RNF216: variants seen among roughly 807,000 people sequenced by gnomAD.
RNF216 encodes the protein ring finger protein 216, also known as E3 ubiquitin-protein ligase RNF216.
RNF216 carries 72 observed loss-of-function variants against 110.8 expected under a neutral mutation model. The ratio of observed to expected loss-of-function variants is 0.65; its 90% confidence interval spans 0.54 to 0.79. The LOEUF (loss-of-function observed/expected upper bound fraction) is 0.79, where lower values mean the gene tolerates loss of function less well. Ranked by LOEUF, RNF216 falls within the 30% of genes least tolerant of loss-of-function variation. RNF216 has a pLI of 0.00. For synonymous variants in RNF216, 495 were observed against 407.5 expected (o/e 1.21, Z -2.59); for missense variants, 1,342 against 1,141.2 (o/e 1.18, Z -2.54).
chr7:5,697,375 G>A (rs1006531774), intron 13 of RNF216, among the ~76,000 whole-genome samples: 1 of 152,122 alleles, frequency 6.6e-6, no homozygotes, highest in East Asian at 1.9e-4. Context: ...TCTGCTGAAC[G>A]AACGACCAGA....
intron 3 of RNF216, among the ~76,000 whole-genome samples, chr7:5,746,448 G>A (rs1156924053): frequency 6.6e-6 from 1 of 152,194 alleles, no homozygotes; most frequent in East Asian, 1.9e-4. Context: ...CAGGGGTGCA[G>A]TTTTAAAGCT....
intron 2 of RNF216, 40 bp from the exon 3 acceptor site, chr7:5,753,019 A>C (rs777669971): frequency 9.6e-5 from 152 of 1,583,346 alleles, no homozygotes; most frequent in Non-Finnish European, 1.1e-4. Context: ...GGAGGTTGGC[A>C]CTATCACATC....
chr7:5,659,442 C>T (rs1054615949), intron 13 of RNF216, among the ~76,000 whole-genome samples: 1 of 152,178 alleles, frequency 6.6e-6, no homozygotes, highest in South Asian at 2.1e-4. Flanking sequence ...GGAGAGGGTC[C>T]GTCTCATGCT....
At chr7:5,685,472 C>T (rs952812705) in intron 13 of RNF216, among the ~76,000 whole-genome samples, 3 of 152,182 alleles carry the variant, frequency 2.0e-5, no homozygotes, top group Admixed American at 2.0e-4. Context: ...TGTTACTTTC[C>T]AAGACACTAA....
In RNF216 at chr7:5,696,426, T is replaced by G. The variant is rs1294318974; in HGVS notation, c.2061+15335A>C. ...TGAAGGTTACATGGTTTCCTCCTTA[T>G]GTAAAGCACCTGAGGACTAAAACAA... On this transcript the variant is annotated intron_variant, in intron 13 of 16. Coordinates refer to ENST00000389902, the MANE Select transcript of RNF216 (RefSeq NM_207111.4). The surrounding 1 kb of genome is among the most constrained non-coding windows in gnomAD (Gnocchi z 5.4). Among the ~76,000 whole-genome samples, 2 of 152,206 alleles carry G rather than the reference T, an allele frequency of 1.3e-5. No homozygotes were observed.
At chr7:5,685,218 C>T (rs1272561685) in intron 13 of RNF216, among the ~76,000 whole-genome samples, 1 of 152,168 alleles carries the variant, frequency 6.6e-6, no homozygotes, top group South Asian at 2.1e-4. Context: ...GAGGTAGCTC[C>T]CCTGGCTGTG....
At chr7:5,766,169 A>G (rs894975110) in intron 1 of RNF216, among the ~76,000 whole-genome samples, 2 of 151,920 alleles carry the variant, frequency 1.3e-5, no homozygotes, top group Non-Finnish European at 2.9e-5. Context: ...ATGTACCTAT[A>G]GTTTTAGCTA....
intron 13 of RNF216, among the ~76,000 whole-genome samples, chr7:5,653,600 C>CAAAAAAAAAAAAA (rs34530431): frequency 2.0e-5 from 1 of 50,492 alleles, no homozygotes. Flanking sequence ...GACTCTGTCT[C>CAAAAAAAAAAAAA]AAAAAAAAAA....
chr7:5,692,399 C>G (rs748291749), intron 13 of RNF216, among the ~76,000 whole-genome samples: 1 of 152,182 alleles, frequency 6.6e-6, no homozygotes, highest in Non-Finnish European at 1.5e-5. Context: ...GAATCAGAAC[C>G]CATCCTTGTT....
At chr7:5,744,694 A>AG (rs1474034450) in intron 3 of RNF216, among the ~76,000 whole-genome samples, 1 of 152,218 alleles carries the variant, frequency 6.6e-6, no homozygotes, top group Admixed American at 6.5e-5. Flanking sequence ...ACTTCTGGCT[A>AG]GGCACGGTTG....
At chr7:5,729,374 T>C (rs1044966287) in intron 7 of RNF216, 58 bp downstream of exon 7, 1 of 1,549,480 alleles carries the variant, frequency 6.5e-7, no homozygotes, top group Non-Finnish European at 8.9e-7. Context: ...TTCATTCTGT[T>C]ACCATGGGAA....
chr7:5,720,962 G>T, intron 9 of RNF216, 71 bp downstream of exon 9: 1 of 1,450,790 alleles, frequency 6.9e-7, no homozygotes, highest in Non-Finnish European at 9.5e-7. Context: ...AGACAGTTTT[G>T]TACTAACTAA....
At chr7:5,728,314 T>G (rs1422855907) in intron 7 of RNF216, among the ~76,000 whole-genome samples, 3 of 151,846 alleles carry the variant, frequency 2.0e-5, no homozygotes, top group African/African-American at 7.3e-5. Flanking sequence ...GCACGGTGGC[T>G]CATGTAGGTA....
rs1163710982 is a variant in RNF216, at chr7:5,770,024, C to CAAAAAAAAAA, written c.-69-8896_-69-8887dup. Reference sequence around the variant, plus strand: ...CTGGCTGACAGAGTGAGACCCATCTCAAAAAAAAAAAAAAAAAAAAAAAAA... The same window carrying CAAAAAAAAAA: ...CTGGCTGACAGAGTGAGACCCATCTCAAAAAAAAAAAAAAAAAAAAAAAAAAAAAAAAAAA... On this transcript the variant is annotated intron_variant, in intron 1 of 16. Transcript: ENST00000389902. 6.6e-4 allele frequency among the ~76,000 whole-genome samples: 16 copies of CAAAAAAAAAA among 24,152 alleles called. 1 individual carries two copies. The highest frequency in any genetic ancestry group is 9.2e-4 in the African/African-American group (5 of 5,440). The allele number at this position is 24,152 out of a possible 152,430, so 15.8% of individuals were successfully genotyped here.
At chr7:5,689,398 A>G (rs897598328) in intron 13 of RNF216, among the ~76,000 whole-genome samples, 11 of 151,776 alleles carry the variant, frequency 7.2e-5, no homozygotes, top group African/African-American at 2.7e-4. Flanking sequence ...AAGAAAAGTG[A>G]AAGGCAAAAC....
intron 13 of RNF216, among the ~76,000 whole-genome samples, chr7:5,678,601 A>C (rs1790454539): frequency 6.6e-6 from 1 of 152,184 alleles, no homozygotes; most frequent in Non-Finnish European, 1.5e-5. Flanking sequence ...CCCTATCTAT[A>C]AAAGGAGTGC....
chr7:5,703,375 G>A (rs1294711036), intron 13 of RNF216, among the ~76,000 whole-genome samples: 1 of 152,214 alleles, frequency 6.6e-6, no homozygotes, highest in Non-Finnish European at 1.5e-5. Context: ...CTGTTAATAA[G>A]TGCCAACCAC....
chr7:5,776,659 T>C (rs1796795914), intron 1 of RNF216, among the ~76,000 whole-genome samples: 1 of 143,414 alleles, frequency 7.0e-6, no homozygotes, highest in Non-Finnish European at 1.5e-5. Flanking sequence ...TTCACAGGAA[T>C]AGCCATATCA....
intron 13 of RNF216, among the ~76,000 whole-genome samples, chr7:5,697,358 A>G (rs1791694049): frequency 6.6e-6 from 1 of 152,192 alleles, no homozygotes; most frequent in African/African-American, 2.4e-5. Context: ...GAAATGCTCA[A>G]TACATATCTG....
Sources: allele counts gnomAD v4.1 joint callset (sites outside exome capture counted in the v4.1 genomes callset), GRCh38; gene constraint gnomAD v4.1.1; non-coding constraint Gnocchi (gnomAD v3.1); transcripts MANE v1.5; gene names NCBI Gene and HGNC (gene_info 2026-07-23, HGNC 2026-07-21).